The following EXOC4 variants were observed in gnomAD, a reference collection of about 807,000 sequenced individuals.
The protein encoded by EXOC4 is exocyst complex component 4.
EXOC4 carries 71 observed loss-of-function variants against 107.2 expected under a neutral mutation model. That is an observed-to-expected ratio of 0.66 (90% CI 0.55 to 0.81). EXOC4 has a LOEUF of 0.81. Among genes scored for constraint, EXOC4 ranks in the 30% least tolerant of loss-of-function variants. The pLI, the probability that EXOC4 is intolerant of heterozygous loss-of-function variation, is 0.00. For synonymous variants in EXOC4, 456 were observed against 441.2 expected (o/e 1.03, Z -0.42); for missense variants, 1,108 against 1,189.6 (o/e 0.93, Z 1.01).
At chr7:133,263,962 C>G (rs1482959852) in intron 1 of EXOC4, among the ~76,000 whole-genome samples, 1 of 152,082 alleles carries the variant, frequency 6.6e-6, no homozygotes, top group Admixed American at 6.6e-5. Context: ...CAAAATTTGA[C>G]CACATAACAC....
chr7:133,619,604 T>C (rs1802277895), intron 9 of EXOC4, among the ~76,000 whole-genome samples: 1 of 152,208 alleles, frequency 6.6e-6, no homozygotes, highest in Non-Finnish European at 1.5e-5. Context: ...TGGGCTCACC[T>C]GATTAGAGAA....
chr7:133,413,019 G>A (rs2150748357), intron 7 of EXOC4, among the ~76,000 whole-genome samples: 1 of 152,100 alleles, frequency 6.6e-6, no homozygotes, highest in Non-Finnish European at 1.5e-5. Flanking sequence ...GGTTAATGCT[G>A]GTGCTTTAAG....
intron 9 of EXOC4, among the ~76,000 whole-genome samples, chr7:133,483,745 G>T (rs1198542081): frequency 6.6e-6 from 1 of 152,172 alleles, no homozygotes; most frequent in Non-Finnish European, 1.5e-5. Flanking sequence ...TCATTCAGGA[G>T]GAAAAGTTTC....
intron 7 of EXOC4, among the ~76,000 whole-genome samples, chr7:133,427,830 G>A (rs956610034): frequency 1.3e-4 from 20 of 152,114 alleles, no homozygotes; most frequent in African/African-American, 4.6e-4. Context: ...CTTCCTTTCA[G>A]TTTGAGGTTC....
intron 10 of EXOC4, among the ~76,000 whole-genome samples, chr7:133,711,283 GC>G (rs1794887883): frequency 6.6e-6 from 1 of 152,144 alleles, no homozygotes; most frequent in Non-Finnish European, 1.5e-5. Context: ...TCTGCAATGG[GC>G]CACTAAACAT....
chr7:133,648,327 C>T (rs1028633344), intron 10 of EXOC4, among the ~76,000 whole-genome samples: 1 of 152,146 alleles, frequency 6.6e-6, no homozygotes, highest in South Asian at 2.1e-4. Flanking sequence ...AGGACTGTCT[C>T]CTTTATAAAC....
intron 11 of EXOC4, among the ~76,000 whole-genome samples, chr7:133,841,506 C>CT (rs910982929): frequency 1.4e-4 from 21 of 152,016 alleles, no homozygotes; most frequent in Admixed American, 3.3e-4. Context: ...TCTGCTGCAG[C>CT]TTTTTTTTCC....
intron 7 of EXOC4, among the ~76,000 whole-genome samples, chr7:133,391,383 G>A (rs1037292681): frequency 1.3e-5 from 2 of 152,174 alleles, no homozygotes; most frequent in African/African-American, 2.4e-5. Context: ...AAAAGCCAAC[G>A]CTATTTTTGG....
chr7:133,722,420 C>T (rs1384162165), intron 10 of EXOC4, among the ~76,000 whole-genome samples: 1 of 152,122 alleles, frequency 6.6e-6, no homozygotes, highest in Non-Finnish European at 1.5e-5. Flanking sequence ...CTTTAGAAAT[C>T]AAGATTCTAC....
intron 1 of EXOC4, among the ~76,000 whole-genome samples, chr7:133,266,895 A>G (rs1793742900): frequency 6.6e-6 from 1 of 152,152 alleles, no homozygotes; most frequent in Non-Finnish European, 1.5e-5. Flanking sequence ...TGGAGTCCAT[A>G]TTTTTTGAGA....
At chr7:134,090,630 A>G in the EXOC4 span, among the ~76,000 whole-genome samples, 5 of 152,142 alleles carry the variant, frequency 3.3e-5, no homozygotes, top group Non-Finnish European at 5.9e-5. Flanking sequence ...GCGAGACCAG[A>G]GAAAGATCCC....
At chr7:133,738,445 T>C (rs1233201479) in intron 10 of EXOC4, among the ~76,000 whole-genome samples, 2 of 152,166 alleles carry the variant, frequency 1.3e-5, no homozygotes, top group African/African-American at 2.4e-5. Context: ...ACAAGAAGAA[T>C]TCCTTTGGAG....
chr7:133,650,937 G>GTTTTTTTTTTTTTTTTTTTTTTTTTT (rs200499348), intron 10 of EXOC4, among the ~76,000 whole-genome samples: 2 of 88,694 alleles, frequency 2.3e-5, no homozygotes, highest in Admixed American at 1.2e-4. Context: ...AGATTGGTCA[G>GTTTTTTTTTTTTTTTTTTTTTTTTTT]TTTTTTTTTT....
rs189891300 is a variant in EXOC4, at chr7:133,634,944, A to G, written c.1514+4803A>G. ...TGATGCCTTTTTTTCTTCCATTGACATGTTTCCTGTCTTTCAGCTCTCTCT... is the reference window on the plus strand; with the variant it reads ...TGATGCCTTTTTTTCTTCCATTGACGTGTTTCCTGTCTTTCAGCTCTCTCT... On this transcript the variant is annotated intron_variant, in intron 10 of 17. Coordinates refer to ENST00000253861, the MANE Select transcript of EXOC4 (RefSeq NM_021807.4). Among the ~76,000 whole-genome samples the G allele has an allele frequency of 2.2e-3, 334 of 149,432 alleles. 1 individual carries two copies. Among genetic ancestry groups the G allele is most frequent in the Middle Eastern group, 0.01 (3 of 294 alleles).
At chr7:134,053,312 T>TTGTTTA (rs1448634843) in intron 17 of EXOC4, among the ~76,000 whole-genome samples, 1 of 151,996 alleles carries the variant, frequency 6.6e-6, no homozygotes, top group Admixed American at 6.5e-5. Flanking sequence ...AAGCAGATAC[T>TTGTTTA]TGTTTATGTA....
At chr7:133,546,089 T>C (rs539117234) in intron 9 of EXOC4, among the ~76,000 whole-genome samples, 1 of 152,204 alleles carries the variant, frequency 6.6e-6, no homozygotes, top group Non-Finnish European at 1.5e-5. Flanking sequence ...TCACTCTAGA[T>C]AATGTTTTAT....
At chr7:133,282,508 G>T (rs1379104182) in intron 2 of EXOC4, among the ~76,000 whole-genome samples, 1 of 152,046 alleles carries the variant, frequency 6.6e-6, no homozygotes, top group Non-Finnish European at 1.5e-5. Context: ...TGAAAATACT[G>T]TCATCACATT....
chr7:134,015,914 T>G (rs992157983), intron 17 of EXOC4, among the ~76,000 whole-genome samples: 2 of 148,492 alleles, frequency 1.3e-5, no homozygotes, highest in Non-Finnish European at 3.0e-5. Context: ...GCTTCAACAA[T>G]GTATCAGTGC....
chr7:133,286,564 A>G (rs1026157894), intron 2 of EXOC4, among the ~76,000 whole-genome samples: 1 of 152,162 alleles, frequency 6.6e-6, no homozygotes, highest in African/African-American at 2.4e-5. Context: ...GAAGCTCAGA[A>G]CATGTTATGG....
Sources: gnomAD v4.1 joint callset for allele counts (sites outside exome capture counted in the v4.1 genomes callset) on GRCh38, gnomAD v4.1.1 for gene constraint, MANE v1.5 for transcripts, NCBI Gene and HGNC (gene_info 2026-07-23, HGNC 2026-07-21) for gene names.